The following SPACA1 variants were observed in gnomAD, a reference collection of about 807,000 sequenced individuals.
The protein encoded by SPACA1 is sperm acrosome associated 1.
SPACA1 carries 17 observed loss-of-function variants against 32.6 expected under a neutral mutation model. That is an observed-to-expected ratio of 0.52 (90% CI 0.36 to 0.78). The LOEUF (loss-of-function observed/expected upper bound fraction) is 0.78, where lower values mean the gene tolerates loss of function less well. SPACA1 is among the 30% of genes least tolerant of loss of function. SPACA1 has a pLI of 0.01. For missense variants in SPACA1, 363 were observed against 373.4 expected (o/e 0.97, Z 0.23); for synonymous variants, 140 against 138.1 (o/e 1.01, Z -0.10).
At chr6:88,058,875 T>C in intron 4 of SPACA1, 53 bp downstream of exon 4, 1 of 1,295,356 alleles carries the variant, frequency 7.7e-7, no homozygotes, top group Non-Finnish European at 1.1e-6. Flanking sequence ...ATAAAATTTG[T>C]TTCTCAGTTC....
chr6:88,059,688 C>G, intron 5 of SPACA1, 100 bp downstream of exon 5: 1 of 1,190,058 alleles, frequency 8.4e-7, no homozygotes, highest in East Asian at 2.7e-5. Flanking sequence ...TAGCCCTCCC[C>G]CCAGAGTTTC....
upstream of SPACA1, among the ~76,000 whole-genome samples, chr6:88,047,147 G>T (rs545711107): frequency 1.3e-5 from 2 of 152,158 alleles, no homozygotes; most frequent in Admixed American, 1.3e-4. Flanking sequence ...AGGCTTCTTC[G>T]TTAACCTTGA....
At chr6:88,058,648 A>T in intron 3 of SPACA1, 68 bp from the exon 4 acceptor site, 1 of 1,165,984 alleles carries the variant, frequency 8.6e-7, no homozygotes, top group African/African-American at 1.5e-5. Context: ...CAGGAAAAAA[A>T]AAAGTAATTT....
At chr6:88,048,578 C>T (rs894658024) in intron 1 of SPACA1, among the ~76,000 whole-genome samples, 2 of 152,088 alleles carry the variant, frequency 1.3e-5, no homozygotes, top group African/African-American at 4.8e-5. Flanking sequence ...AGTATGCCGA[C>T]AAAACTGCCC....
rs370610289 is a variant in SPACA1, at chr6:88,055,585, CA to C, written c.265+1584del. 2.6e-5 allele frequency among the ~76,000 whole-genome samples: 4 copies of C among 152,336 alleles called. 1 individual carries two copies. The highest frequency in any genetic ancestry group is 9.6e-5 in the African/African-American group (4 of 41,576). Reference sequence around the variant, plus strand: ...CAAAAAGTTTTCTTTTATATCCAGGCAGATTTTTAGATGTTACTTGGTATTA... The same window carrying C: ...CAAAAAGTTTTCTTTTATATCCAGGCGATTTTTAGATGTTACTTGGTATTA... On this transcript the variant is annotated intron_variant, in intron 2 of 6. Transcript: ENST00000237201.
At chr6:88,048,659 G>A (rs1267219860) in intron 1 of SPACA1, among the ~76,000 whole-genome samples, 2 of 152,192 alleles carry the variant, frequency 1.3e-5, no homozygotes, top group African/African-American at 2.4e-5. Context: ...TGATTGGTAT[G>A]TGCGGCCTCG....
intron 1 of SPACA1, 78 bp downstream of exon 1, chr6:88,048,191 CA>C (rs1222219293): frequency 1.4e-6 from 2 of 1,393,416 alleles, no homozygotes; most frequent in South Asian, 2.7e-5. Context: ...GCCTGAGAAC[CA>C]TAATTATGTG....
At chr6:88,047,736 C>T, upstream of SPACA1, 1 of 685,344 alleles carries the variant, frequency 1.5e-6, no homozygotes, top group Non-Finnish European at 2.4e-6. Flanking sequence ...GCGCGAGTTC[C>T]AGGCGCTCAG....
intron 2 of SPACA1, among the ~76,000 whole-genome samples, chr6:88,057,284 A>G (rs1775824008): frequency 6.6e-6 from 1 of 152,226 alleles, no homozygotes; most frequent in Non-Finnish European, 1.5e-5. Context: ...TTACTAGTGT[A>G]TTAAAAGTTC....
chr6:88,049,681 G>A (rs991336699), intron 1 of SPACA1, among the ~76,000 whole-genome samples: 1 of 150,828 alleles, frequency 6.6e-6, no homozygotes, highest in African/African-American at 2.5e-5. Flanking sequence ...GAAAACAACT[G>A]TGTTAGAAAT....
chr6:88,065,449 A>G (rs1454922577), intron 6 of SPACA1, among the ~76,000 whole-genome samples: 2 of 148,056 alleles, frequency 1.4e-5, no homozygotes, highest in Non-Finnish European at 3.0e-5. Flanking sequence ...TACCATATAT[A>G]CTATATGTAC....
Position 88,058,816 on chromosome 6 carries a change from A to G in SPACA1, c.468A>G (p.Gln156=), listed in dbSNP as rs755019808. Residue 156 remains glutamine (Q), a synonymous_variant, in exon 4 of 7, where the codon CAA becomes CAG. Coordinates refer to ENST00000237201, the MANE Select transcript of SPACA1 (RefSeq NM_030960.3). ...AATATATGTGGAAACTTCTAAGACA[A>G]GACCAAGTGAGTAATGAATGGATAT... ...RFKYMWKLLR[Q]DQQSIILVND... is the part of the protein sequence containing the mutation. 6.2e-7 allele frequency: 1 copy of G among 1,602,392 alleles called. No homozygotes were observed.
chr6:88,059,064 C>T (rs531169274), intron 4 of SPACA1, among the ~76,000 whole-genome samples: 6 of 152,288 alleles, frequency 3.9e-5, no homozygotes, highest in African/African-American at 1.4e-4. Flanking sequence ...ACAAAGTATT[C>T]CATTTCGGAA....
At chr6:88,054,337 A>G (rs138254631) in intron 2 of SPACA1, among the ~76,000 whole-genome samples, 93 of 151,976 alleles carry the variant, frequency 6.1e-4, no homozygotes, top group African/African-American at 2.2e-3. Flanking sequence ...GTCTTCCCAC[A>G]TATTGTGTTG....
upstream of SPACA1, chr6:88,047,689 G>C: frequency 3.8e-6 from 2 of 525,218 alleles, no homozygotes. Context: ...GCGGCTTCTC[G>C]TCGCGTTCCG....
chr6:88,066,597 T>G lies in SPACA1; in HGVS notation c.*262T>G. The G allele has an allele frequency of 4.5e-6, 1 of 223,964 alleles. No homozygotes were observed. The highest frequency in any genetic ancestry group is 8.7e-6 in the Non-Finnish European group (1 of 114,624). The allele number at this position is 223,964 out of a possible 1,614,324, so 13.9% of individuals were successfully genotyped here. A position where few individuals can be genotyped will look rare whatever the true frequency, so the allele number is the denominator to read the frequency against. ...CTAAAGGTACCCCCAACAAATCTTC[T>G]AAGTGCATTTTTGATCACTTTGATA... On this transcript the variant is annotated 3_prime_UTR_variant, in exon 7 of 7. Transcript: ENST00000237201.
At chr6:88,047,338 A>G (rs1196748911), upstream of SPACA1, among the ~76,000 whole-genome samples, 1 of 152,194 alleles carries the variant, frequency 6.6e-6, no homozygotes, top group Non-Finnish European at 1.5e-5. Context: ...CTTCTTACTC[A>G]AAGTCTATTA....
At chr6:88,055,753 G>A (rs779558398) in intron 2 of SPACA1, among the ~76,000 whole-genome samples, 8 of 150,522 alleles carry the variant, frequency 5.3e-5, no homozygotes, top group Non-Finnish European at 1.2e-4. Flanking sequence ...GGTGGATCAC[G>A]AGGTCCAGAT....
Position 88,048,010 on chromosome 6 carries a change from C to G in SPACA1, c.105C>G (p.Ala35=). The stretch of plus-strand genomic sequence containing the variant: ...CGCGCGGGACCAACGTCACCGCTGC[C>G]GTCCAGGATGCCGGCCTGGCCCACG... ...QSARGTNVTA[A]VQDAGLAHEG... The change falls in exon 1 of 7, where the codon GCC becomes GCG. Residue 35 remains alanine (A), a synonymous_variant. Transcript: ENST00000237201. 6.3e-7 allele frequency: 1 copy of G among 1,590,734 alleles called. No individual in the cohort carries two copies. Among genetic ancestry groups the G allele is most frequent in the Non-Finnish European group, 8.5e-7 (1 of 1,170,776 alleles).
Sources: gnomAD v4.1 joint callset for allele counts (sites outside exome capture counted in the v4.1 genomes callset) on GRCh38, gnomAD v4.1.1 for gene constraint, MANE v1.5 for transcripts, NCBI Gene and HGNC (gene_info 2026-07-23, HGNC 2026-07-21) for gene names.